PIEZO2: variants seen among roughly 807,000 people sequenced by gnomAD.
The protein encoded by PIEZO2 is piezo type mechanosensitive ion channel component 2.
Under a neutral mutation model 337.3 loss-of-function variants are expected in PIEZO2, and 172 were observed. The ratio of observed to expected loss-of-function variants is 0.51; its 90% CI spans 0.45 to 0.58. The LOEUF (loss-of-function observed/expected upper bound fraction) is 0.58, where lower values mean the gene tolerates loss of function less well. Among genes scored for constraint, PIEZO2 ranks in the 20% least tolerant of loss-of-function variants. The pLI, the probability that PIEZO2 is intolerant of heterozygous loss-of-function variation, is 0.00. For missense variants in PIEZO2, 3,028 were observed against 3,391.3 expected, an observed-to-expected ratio of 0.89 and a Z score of 2.66; for synonymous variants, 1,251 against 1,228.5, an observed-to-expected ratio of 1.02 and a Z score of -0.38.
At chr18:11,030,600 A>G (rs2145758979) in intron 2 of PIEZO2, among the ~76,000 whole-genome samples, 1 of 152,284 alleles carries the variant, frequency 6.6e-6, no homozygotes, top group East Asian at 1.9e-4. Flanking sequence ...TCTGAAAGCC[A>G]AAACAATGTC....
chr18:10,688,589 C>T (rs146351074), intron 49 of PIEZO2, among the ~76,000 whole-genome samples: 22 of 152,262 alleles, frequency 1.4e-4, no homozygotes, highest in South Asian at 8.3e-4. Flanking sequence ...TTGAAACATA[C>T]GGGAGCTTTT....
rs1039531765 is a variant in PIEZO2, at chr18:10,872,583, G to A, written c.330-1168C>T. On this transcript the variant is annotated intron_variant, in intron 4 of 55. Transcript: ENST00000674853. The surrounding 1 kb of genome is among the most constrained non-coding windows in gnomAD (Gnocchi z 4.3). Reference sequence around the variant, plus strand: ...TCTCACACCATTCAGCACACGACACGGGCCAGCCATGTCCCTCATCCGGTG... The same window carrying A: ...TCTCACACCATTCAGCACACGACACAGGCCAGCCATGTCCCTCATCCGGTG... Among the ~76,000 whole-genome samples the A allele has an allele frequency of 9.5e-5, 14 of 146,668 alleles. No individual in the cohort carries two copies. The highest frequency in any genetic ancestry group is 5.8e-4 in the East Asian group (3 of 5,176).
chr18:10,799,972 CAAAAA>C (rs34096733), intron 11 of PIEZO2, among the ~76,000 whole-genome samples: 1 of 128,290 alleles, frequency 7.8e-6, no homozygotes, highest in African/African-American at 3.0e-5. Flanking sequence ...GACTCTGTCT[CAAAAA>C]AAAAAAAAAA....
At chr18:10,725,355 C>A (rs2036490285) in intron 36 of PIEZO2, 1 of 1,605,802 alleles carries the variant, frequency 6.2e-7, no homozygotes, top group Non-Finnish European at 8.5e-7. Context: ...TGAAGACCTG[C>A]TGTCCCAGGC....
intron 18 of PIEZO2, among the ~76,000 whole-genome samples, chr18:10,777,460 T>C (rs1161428414): frequency 6.6e-6 from 1 of 152,244 alleles, no homozygotes; most frequent in Non-Finnish European, 1.5e-5. Context: ...AATGTAGTAC[T>C]GTGCCTGGGG....
intron 2 of PIEZO2, among the ~76,000 whole-genome samples, chr18:11,010,386 G>GCTCAC (rs1168879554): frequency 2.0e-5 from 3 of 152,166 alleles, no homozygotes; most frequent in Non-Finnish European, 4.4e-5. Flanking sequence ...AACATGTTTT[G>GCTCAC]AGAAGTGTAA....
chr18:10,810,887 T>C (rs1232091558), intron 7 of PIEZO2, among the ~76,000 whole-genome samples: 3 of 152,214 alleles, frequency 2.0e-5, no homozygotes, highest in Admixed American at 1.3e-4. Flanking sequence ...AATATGTGCA[T>C]GTCACTGTAT....
rs1187522503 is a variant in PIEZO2 at position 10,878,682 on chromosome 18, A to T, written c.330-7267T>A. 1.3e-5 allele frequency among the ~76,000 whole-genome samples: 2 copies of T among 152,182 alleles called. No homozygotes were observed. Among genetic ancestry groups the T allele is most frequent in the East Asian group, 3.8e-4 (2 of 5,196 alleles). ...ATTAAGCACTTACTATGTGCCAGAC[A>T]CTGTCTCTAAGCACAGAGTATTGGT... On this transcript the variant is annotated intron_variant, in intron 4 of 55. Coordinates refer to ENST00000674853, the MANE Select transcript of PIEZO2 (RefSeq NM_001378183.1). The surrounding 1 kb of genome is among the most constrained non-coding windows in gnomAD (Gnocchi z 4.3).
intron 40 of PIEZO2, among the ~76,000 whole-genome samples, chr18:10,706,532 C>G (rs1305164697): frequency 6.6e-6 from 1 of 152,198 alleles, no homozygotes; most frequent in Non-Finnish European, 1.5e-5. Flanking sequence ...CTACCAACAA[C>G]TTTACTTACT....
Position 10,821,066 on chromosome 18 carries a change from G to A in PIEZO2, c.918-13792C>T, listed in dbSNP as rs1202172441. 2.0e-5 allele frequency among the ~76,000 whole-genome samples: 3 copies of A among 152,116 alleles called. No individual in the cohort carries two copies. Among genetic ancestry groups the A allele is most frequent in the Non-Finnish European group, 4.4e-5 (3 of 68,010 alleles). ...AGCTAAAGTGTCTAGATGACTCCTT[G>A]AAGATCTCTGGAGCTCTTTCTCTGT... On this transcript the variant is annotated intron_variant, in intron 7 of 55. Coordinates refer to ENST00000674853, the MANE Select transcript of PIEZO2 (RefSeq NM_001378183.1). This position sits in a 1 kb window ranked among gnomAD's most constrained non-coding sequence, Gnocchi z 4.2.
intron 35 of PIEZO2, among the ~76,000 whole-genome samples, chr18:10,733,448 A>ATTTTT (rs34583213): frequency 3.2e-4 from 41 of 128,300 alleles, no homozygotes; most frequent in East Asian, 1.6e-3. Flanking sequence ...AAACTTCCCA[A>ATTTTT]TTTTTTTTTT....
At chr18:11,114,154 A>C (rs563034174) in intron 1 of PIEZO2, among the ~76,000 whole-genome samples, 25 of 152,308 alleles carry the variant, frequency 1.6e-4, no homozygotes, top group African/African-American at 5.8e-4. Flanking sequence ...AAACACATTA[A>C]ATGTTTAGAT....
intron 1 of PIEZO2, among the ~76,000 whole-genome samples, chr18:11,144,838 C>T (rs2040767061): frequency 6.6e-6 from 1 of 152,142 alleles, no homozygotes; most frequent in Admixed American, 6.5e-5. Flanking sequence ...CCTTTCTTCC[C>T]CCTGAAAATA....
rs1169078927 is a variant in PIEZO2, at chr18:10,670,783, G to A, written c.*744C>T. On this transcript the variant is annotated 3_prime_UTR_variant, in exon 56 of 56. Coordinates refer to ENST00000674853, the MANE Select transcript of PIEZO2 (RefSeq NM_001378183.1). ...CAGGAGACCGCAGCCCTCCAGAATG[G>A]TTCCCCTCATTGAAGCTGGTCACTG... is the stretch of plus-strand genomic sequence containing the variant. 1 of 152,256 alleles carries A rather than the reference G, an allele frequency of 6.6e-6. No individual in the cohort carries two copies. The highest frequency in any genetic ancestry group is 1.5e-5 in the Non-Finnish European group (1 of 68,008). The allele number at this position is 152,256 out of a possible 1,614,324, so 9.4% of individuals were successfully genotyped here. A position where few individuals can be genotyped will look rare whatever the true frequency, so the allele number is the denominator to read the frequency against.
intron 14 of PIEZO2, among the ~76,000 whole-genome samples, 177 bp downstream of exon 14, chr18:10,791,024 C>T (rs868019214): frequency 3.9e-5 from 6 of 152,176 alleles, no homozygotes; most frequent in African/African-American, 1.4e-4. Context: ...ATTTTTAGCA[C>T]TCCTGTGCAA....
Position 10,775,888 on chromosome 18 carries a change from C to G in PIEZO2, c.2535-1850G>C, listed in dbSNP as rs2038767174. 6.6e-6 allele frequency among the ~76,000 whole-genome samples: 1 copy of G among 150,474 alleles called. No homozygotes were observed. On this transcript the variant is annotated intron_variant, in intron 18 of 55. Transcript: ENST00000674853. This position sits in a 1 kb window ranked among gnomAD's most constrained non-coding sequence, Gnocchi z 4.3. Reference sequence around the variant, plus strand: ...CCAGACCCTCTCTGGAGCAGTCTAACCTCATGAGCTTGTAATGGATGACAA... The same window carrying G: ...CCAGACCCTCTCTGGAGCAGTCTAAGCTCATGAGCTTGTAATGGATGACAA...
chr18:10,798,132 C>T (rs1484427021), intron 11 of PIEZO2, among the ~76,000 whole-genome samples: 2 of 152,212 alleles, frequency 1.3e-5, no homozygotes, highest in African/African-American at 2.4e-5. Context: ...CTCCGACAAG[C>T]CTTCAGCTGA....
intron 52 of PIEZO2, among the ~76,000 whole-genome samples, 177 bp from the exon 53 acceptor site, chr18:10,678,052 G>A (rs1028823144): frequency 1.4e-4 from 22 of 152,224 alleles, no homozygotes; most frequent in Non-Finnish European, 2.2e-4. Context: ...TTAGACAATC[G>A]AGTTAATAGA....
In PIEZO2 at chr18:11,111,266, C is replaced by T. The variant is rs2039723791; in HGVS notation, c.64+37259G>A. On this transcript the variant is annotated intron_variant, in intron 1 of 55. Coordinates refer to ENST00000674853, the MANE Select transcript of PIEZO2 (RefSeq NM_001378183.1). The surrounding 1 kb of genome is among the most constrained non-coding windows in gnomAD (Gnocchi z 6.2). ...CTGGGGTCTGTGAGAACTTCCCTGG[C>T]CTTCGTTTCCCATCCCTTTCAACAG... is the stretch of plus-strand genomic sequence containing the variant. 6.6e-6 allele frequency among the ~76,000 whole-genome samples: 1 copy of T among 152,170 alleles called. No homozygotes were observed. The highest frequency in any genetic ancestry group is 1.5e-5 in the Non-Finnish European group (1 of 68,028).
Sources: allele counts gnomAD v4.1 joint callset (sites outside exome capture counted in the v4.1 genomes callset), GRCh38; gene constraint gnomAD v4.1.1; non-coding constraint Gnocchi (gnomAD v3.1); transcripts MANE v1.5; gene names NCBI Gene and HGNC (gene_info 2026-07-23, HGNC 2026-07-21).